The following TCF4 variants were observed in gnomAD, a reference collection of about 807,000 sequenced individuals.
The protein encoded by TCF4 is SL3-3 enhancer factor 2.
Under a neutral mutation model 82.1 loss-of-function variants are expected in TCF4, and 3 were observed. That is an observed-to-expected ratio of 0.04 (90% CI 0.02 to 0.09). The LOEUF is 0.09. Among genes scored for constraint, TCF4 ranks in the 10% least tolerant of loss-of-function variants. The pLI is 1.00. For synonymous variants in TCF4, 276 were observed against 309.6 expected, an observed-to-expected ratio of 0.89 and a Z score of 1.14; for missense variants, 518 against 852.7, an observed-to-expected ratio of 0.61 and a Z score of 4.89.
chr18:55,548,993 T>A (rs993603140), intron 3 of TCF4, among the ~76,000 whole-genome samples: 1 of 150,424 alleles, frequency 6.6e-6, no homozygotes, highest in South Asian at 2.1e-4. Flanking sequence ...TACATTGAAT[T>A]TTTTTTTTCT....
At chr18:55,331,216 G>A (rs1328813989) in intron 8 of TCF4, among the ~76,000 whole-genome samples, 1 of 152,150 alleles carries the variant, frequency 6.6e-6, no homozygotes, top group African/African-American at 2.4e-5. Flanking sequence ...CTGCAAGACA[G>A]AAGCTCAGTG....
chr18:55,369,913 TTGTGTG>T (rs3838896), intron 6 of TCF4, among the ~76,000 whole-genome samples: 1 of 150,722 alleles, frequency 6.6e-6, no homozygotes, highest in Admixed American at 6.6e-5. Flanking sequence ...AGAGTTTTAT[TTGTGTG>T]TGTGTGTGTG....
chr18:55,499,760 T>C (rs535454740), intron 3 of TCF4, among the ~76,000 whole-genome samples: 5 of 152,326 alleles, frequency 3.3e-5, no homozygotes, highest in Non-Finnish European at 7.4e-5. Flanking sequence ...AATCAGTGAA[T>C]AGTTTCCAAG....
intron 6 of TCF4, among the ~76,000 whole-genome samples, chr18:55,387,153 A>G (rs1486962566): frequency 5.3e-5 from 8 of 152,244 alleles, no homozygotes; most frequent in Non-Finnish European, 8.8e-5. Flanking sequence ...TATGGCTCCA[A>G]AGTTTTTAAT....
intron 6 of TCF4, among the ~76,000 whole-genome samples, chr18:55,376,988 TTGAATAATGGC>T (rs1324125131): frequency 1.3e-5 from 2 of 152,152 alleles, no homozygotes; most frequent in African/African-American, 2.4e-5. Flanking sequence ...CACAGCACAC[TTGAATAATGGC>T]TGAGGCACTA....
upstream of TCF4, chr18:55,591,100 G>A (rs1014111738): frequency 1.3e-5 from 2 of 152,096 alleles, no homozygotes; most frequent in African/African-American, 4.8e-5. Context: ...GATCAATTTC[G>A]GCGATCTTTT....
At chr18:55,610,407 G>A (rs1201164049) in intron 2 of TCF4, among the ~76,000 whole-genome samples, 11 of 152,136 alleles carry the variant, frequency 7.2e-5, no homozygotes, top group Admixed American at 7.2e-4. Flanking sequence ...GTCTTTGGAG[G>A]ATGCCACAGG....
intron 3 of TCF4, among the ~76,000 whole-genome samples, chr18:55,521,219 C>A (rs1191376995): frequency 6.6e-6 from 1 of 152,080 alleles, no homozygotes; most frequent in Non-Finnish European, 1.5e-5. Flanking sequence ...AAAATTATGA[C>A]AAATCGGATT....
intron 3 of TCF4, among the ~76,000 whole-genome samples, chr18:55,494,976 A>G (rs1045568719): frequency 6.6e-6 from 1 of 150,562 alleles, no homozygotes; most frequent in Non-Finnish European, 1.5e-5. Context: ...AAAAAAAAAA[A>G]AAAAGAAATC....
chr18:55,501,232 T>G (rs902597753), intron 3 of TCF4, among the ~76,000 whole-genome samples: 1 of 152,206 alleles, frequency 6.6e-6, no homozygotes, highest in Non-Finnish European at 1.5e-5. Context: ...AAGCCACTCT[T>G]AGTATTCATT....
intron 1 of TCF4, among the ~76,000 whole-genome samples, chr18:55,631,983 G>A (rs983744888): frequency 6.6e-6 from 1 of 152,094 alleles, no homozygotes; most frequent in African/African-American, 2.4e-5. Flanking sequence ...TTCCTTCCAT[G>A]CCTCAATGCC....
chr18:55,434,295 A>AT, intron 5 of TCF4, among the ~76,000 whole-genome samples: 1 of 151,890 alleles, frequency 6.6e-6, no homozygotes, highest in Non-Finnish European at 1.5e-5. Flanking sequence ...ACTATGTAGA[A>AT]TTTTTTTGTT....
chr18:55,440,892 T>C (rs2095427099), intron 5 of TCF4, among the ~76,000 whole-genome samples: 5 of 152,228 alleles, frequency 3.3e-5, no homozygotes, highest in Admixed American at 3.3e-4. Context: ...ATTGGATTTA[T>C]GTCTGAATAC....
At chr18:55,586,135 A>AGG (rs2097643576) in intron 2 of TCF4, 4 of 1,297,788 alleles carry the variant, frequency 3.1e-6, no homozygotes, top group Non-Finnish European at 4.1e-6. Context: ...GGAGGAGGAG[A>AGG]AGGAGGAGGA....
chr18:55,368,188 C>T (rs1021201349), intron 6 of TCF4, among the ~76,000 whole-genome samples: 5 of 152,136 alleles, frequency 3.3e-5, no homozygotes, highest in African/African-American at 1.2e-4. Context: ...GAATTCGAGA[C>T]CAGCCTGGCC....
intron 5 of TCF4, among the ~76,000 whole-genome samples, chr18:55,451,355 G>T (rs1375507867): frequency 6.6e-6 from 1 of 152,160 alleles, no homozygotes; most frequent in Non-Finnish European, 1.5e-5. Context: ...GGTGGGCCAG[G>T]CTGGCATCCC....
intron 3 of TCF4, among the ~76,000 whole-genome samples, chr18:55,516,935 T>C (rs1390034739): frequency 1.3e-5 from 2 of 152,178 alleles, no homozygotes; most frequent in Non-Finnish European, 2.9e-5. Context: ...CTGAATTATG[T>C]TTTAAAGATC....
intron 3 of TCF4, among the ~76,000 whole-genome samples, chr18:55,567,382 T>C (rs1322109112): frequency 6.6e-6 from 1 of 152,246 alleles, no homozygotes; most frequent in Non-Finnish European, 1.5e-5. Flanking sequence ...TTCATCATCA[T>C]AGCAAATTAT....
chr18:55,392,750 A>T (rs2093238088), intron 6 of TCF4, among the ~76,000 whole-genome samples: 1 of 152,156 alleles, frequency 6.6e-6, no homozygotes, highest in Non-Finnish European at 1.5e-5. Context: ...ACTGTCTTAT[A>T]ACAGTGTGTG....
Sources: allele counts gnomAD v4.1 joint callset (sites outside exome capture counted in the v4.1 genomes callset), GRCh38; gene constraint gnomAD v4.1.1; transcripts MANE v1.5; gene names NCBI Gene and HGNC (gene_info 2026-07-23, HGNC 2026-07-21).